The following LRMDA variants were observed in gnomAD, a reference collection of about 807,000 sequenced individuals.
LRMDA encodes the protein leucine rich melanocyte differentiation associated.
A neutral mutation model predicts 29.8 loss-of-function variants in LRMDA; 18 were observed. The ratio of observed to expected loss-of-function variants is 0.60; its 90% CI spans 0.42 to 0.90. The LOEUF is 0.90. Among genes scored for constraint, LRMDA ranks in the 40% least tolerant of loss-of-function variants. The probability of loss-of-function intolerance (pLI) is 0.00; values close to 1 mark genes in which losing one functional copy is unlikely to be tolerated. For synonymous variants in LRMDA, 125 were observed against 109.4 expected, an observed-to-expected ratio of 1.14 and a Z score of -0.89; for missense variants, 273 against 273.9, an observed-to-expected ratio of 1.00 and a Z score of 0.02.
intron 2 of LRMDA, among the ~76,000 whole-genome samples, chr10:75,445,738 C>T (rs1296526433): frequency 6.6e-6 from 1 of 152,246 alleles, no homozygotes; most frequent in Non-Finnish European, 1.5e-5. Context: ...TTGTTGAACA[C>T]AGCAGGCAGA....
chr10:75,529,594 G>C (rs1845452931), intron 2 of LRMDA, among the ~76,000 whole-genome samples: 1 of 152,190 alleles, frequency 6.6e-6, no homozygotes, highest in African/African-American at 2.4e-5. Context: ...GGGAGAGAAA[G>C]CTCCAGGAGC....
At chr10:76,470,166 G>GCAGA (rs1270788536) in intron 6 of LRMDA, among the ~76,000 whole-genome samples, 8 of 152,058 alleles carry the variant, frequency 5.3e-5, no homozygotes. Context: ...TTATTTGCTA[G>GCAGA]CAGACTTCCT....
chr10:76,252,132 C>T (rs989521780), intron 5 of LRMDA, among the ~76,000 whole-genome samples: 3 of 152,170 alleles, frequency 2.0e-5, no homozygotes, highest in Admixed American at 6.5e-5. Context: ...TCCCCAATGA[C>T]GCACACTAAC....
At chr10:75,645,879 G>A (rs1422668353) in intron 2 of LRMDA, among the ~76,000 whole-genome samples, 1 of 152,000 alleles carries the variant, frequency 6.6e-6, no homozygotes, top group East Asian at 1.9e-4. Context: ...ATCCTTCTCT[G>A]TGTCCTGCCT....
chr10:76,521,718 TGATTCCCTCA>T (rs1372081501), intron 6 of LRMDA, among the ~76,000 whole-genome samples: 2 of 152,208 alleles, frequency 1.3e-5, no homozygotes, highest in African/African-American at 4.8e-5. Context: ...CCAGTTGACT[TGATTCCCTCA>T]GATATAAATA....
intron 6 of LRMDA, among the ~76,000 whole-genome samples, chr10:76,505,012 A>C (rs1842945228): frequency 6.6e-6 from 1 of 151,692 alleles, no homozygotes; most frequent in African/African-American, 2.4e-5. Context: ...AAATTCCCTC[A>C]GTATTTGCTT....
chr10:76,228,025 CTTT>C (rs35074858), intron 5 of LRMDA, among the ~76,000 whole-genome samples: 40 of 140,334 alleles, frequency 2.9e-4, no homozygotes, highest in East Asian at 1.2e-3. Flanking sequence ...AATTGTTAGT[CTTT>C]TTTTTTTTTT....
intron 5 of LRMDA, among the ~76,000 whole-genome samples, chr10:76,190,188 A>G (rs1851220166): frequency 6.6e-6 from 1 of 152,188 alleles, no homozygotes; most frequent in African/African-American, 2.4e-5. Context: ...ATTGAACTGG[A>G]TTAAGTAATT....
chr10:75,936,520 CT>C (rs1246606111), intron 2 of LRMDA, among the ~76,000 whole-genome samples: 1 of 152,068 alleles, frequency 6.6e-6, no homozygotes, highest in Middle Eastern at 3.2e-3. Flanking sequence ...CCGCACATAT[CT>C]TTTTGCTTCA....
intron 2 of LRMDA, among the ~76,000 whole-genome samples, chr10:75,500,096 A>G (rs556326487): frequency 6.6e-6 from 1 of 152,226 alleles, no homozygotes; most frequent in East Asian, 1.9e-4. Flanking sequence ...TGGAACCCTA[A>G]TATGTCAAAT....
At chr10:75,948,617 A>G (rs931755548) in intron 2 of LRMDA, among the ~76,000 whole-genome samples, 1 of 152,142 alleles carries the variant, frequency 6.6e-6, no homozygotes, top group Non-Finnish European at 1.5e-5. Context: ...ACTAGTGTAA[A>G]GTCCATTAAT....
intron 6 of LRMDA, among the ~76,000 whole-genome samples, chr10:76,421,335 C>T (rs889721053): frequency 6.6e-5 from 10 of 152,100 alleles, no homozygotes; most frequent in Admixed American, 1.3e-4. Flanking sequence ...TAAACATACA[C>T]TTTCTCTTAT....
chr10:75,504,733 A>G (rs1031557542), intron 2 of LRMDA, among the ~76,000 whole-genome samples: 1 of 152,058 alleles, frequency 6.6e-6, no homozygotes, highest in African/African-American at 2.4e-5. Flanking sequence ...GAACTAGTAG[A>G]AGGTTGGTAT....
intron 5 of LRMDA, among the ~76,000 whole-genome samples, chr10:76,142,063 A>G (rs1039703806): frequency 1.4e-4 from 21 of 150,844 alleles, no homozygotes; most frequent in Middle Eastern, 3.4e-3. Context: ...CCTTGTCTCT[A>G]TCCATAGCTT....
chr10:75,542,369 T>C (rs1193087613), intron 2 of LRMDA, among the ~76,000 whole-genome samples: 1 of 152,068 alleles, frequency 6.6e-6, no homozygotes, highest in Non-Finnish European at 1.5e-5. Context: ...CAAAGGAGTG[T>C]TTGCACTTTC....
intron 5 of LRMDA, among the ~76,000 whole-genome samples, chr10:76,142,707 A>AT (rs1282049267): frequency 3.7e-4 from 50 of 133,840 alleles, no homozygotes; most frequent in African/African-American, 1.4e-3. Context: ...TATTATTATT[A>AT]TACTTTAAGT....
At chr10:75,750,123 G>A (rs939065642) in intron 2 of LRMDA, among the ~76,000 whole-genome samples, 4 of 152,204 alleles carry the variant, frequency 2.6e-5, no homozygotes, top group Admixed American at 6.5e-5. Context: ...ATCATGGCCT[G>A]TTCTCAATGA....
chr10:75,691,660 TG>T (rs1420434494), intron 2 of LRMDA, among the ~76,000 whole-genome samples: 1 of 152,072 alleles, frequency 6.6e-6, no homozygotes, highest in Non-Finnish European at 1.5e-5. Context: ...AAAGAGGGTC[TG>T]CTCTGAGTTT....
intron 6 of LRMDA, among the ~76,000 whole-genome samples, chr10:76,520,598 G>C (rs1247156296): frequency 6.6e-6 from 1 of 152,038 alleles, no homozygotes; most frequent in Admixed American, 6.6e-5. Flanking sequence ...ATACCTGTTT[G>C]TTTGGAAAGG....
Sources: allele counts gnomAD v4.1 joint callset (sites outside exome capture counted in the v4.1 genomes callset), GRCh38; gene constraint gnomAD v4.1.1; transcripts MANE v1.5; gene names NCBI Gene and HGNC (gene_info 2026-07-23, HGNC 2026-07-21).